Variants in MBNL2 observed in about 807,000 individuals in gnomAD.
The protein encoded by MBNL2 is muscleblind-like protein 2.
MBNL2 carries 17 observed loss-of-function variants against 41.9 expected under a neutral mutation model. The observed-to-expected ratio is 0.41, with a 90% CI of 0.28 to 0.61. MBNL2 has a LOEUF of 0.61. Among genes scored for constraint, MBNL2 ranks in the 20% least tolerant of loss-of-function variants. The pLI, the probability that MBNL2 is intolerant of heterozygous loss-of-function variation, is 0.35. For missense variants in MBNL2, 336 were observed against 505.6 expected, an observed-to-expected ratio of 0.66 and a Z score of 3.22; for synonymous variants, 195 against 182.9, an observed-to-expected ratio of 1.07 and a Z score of -0.53.
rs192888130 is a variant in MBNL2 at position 97,255,877 on chromosome 13, G to C, written c.-604-19755G>C. Among the ~76,000 whole-genome samples the C allele has an allele frequency of 1.4e-4, 21 of 152,322 alleles. No individual in the cohort carries two copies. The East Asian group carries it at 3.5e-3, about 25-fold the overall frequency. The stretch of plus-strand genomic sequence containing the variant: ...TCCCTTTCTAAAGAAAACCACTGGG[G>C]AAGCCAAAAGCATCAGCTAAGATAG... On this transcript the variant is annotated intron_variant, in intron 1 of 8. Transcript: ENST00000679496.
chr13:97,350,998 T>A lies in MBNL2; in HGVS notation c.804+3931T>A, dbSNP rs1254406531. ...CAGAGGAATCACTATCTGTGGCAGC[T>A]ACAGCCTTACAAAATGTATTTCTCG... On this transcript the variant is annotated intron_variant, in intron 5 of 8. Coordinates refer to ENST00000679496, the MANE Select transcript of MBNL2 (RefSeq NM_001382683.1). Among the ~76,000 whole-genome samples the A allele has an allele frequency of 2.0e-5, 3 of 152,216 alleles. No individual in the cohort carries two copies. In the East Asian group the frequency reaches 5.8e-4, roughly 29 times the overall value.
intron 1 of MBNL2, among the ~76,000 whole-genome samples, chr13:97,273,786 C>T (rs554123082): frequency 2.0e-4 from 31 of 152,246 alleles, no homozygotes; most frequent in Non-Finnish European, 3.5e-4. Flanking sequence ...GCAGGCCGGA[C>T]GCGGTGGCTC....
the MBNL2 span, among the ~76,000 whole-genome samples, chr13:97,149,853 G>A: frequency 6.6e-6 from 1 of 152,104 alleles, no homozygotes; most frequent in Non-Finnish European, 1.5e-5. Flanking sequence ...TCCTAAGAGG[G>A]CAGATGCCTC....
intron 1 of MBNL2, among the ~76,000 whole-genome samples, chr13:97,271,113 TTTTTTTTTTTTTG>T (rs1468171793): frequency 1.4e-4 from 5 of 36,888 alleles, no homozygotes; most frequent in Non-Finnish European, 2.2e-4. Flanking sequence ...CTCTTTTTTG[TTTTTTTTTTTTTG>T]TTTTTTTTTT....
intron 1 of MBNL2, among the ~76,000 whole-genome samples, chr13:97,256,479 A>G (rs1398801798): frequency 6.6e-6 from 1 of 152,220 alleles, no homozygotes; most frequent in Non-Finnish European, 1.5e-5. Context: ...GTCAGACGTA[A>G]TAAATATTTG....
At chr13:97,176,919 CCACAGA>C in the MBNL2 span, among the ~76,000 whole-genome samples, 1 of 151,900 alleles carries the variant, frequency 6.6e-6, no homozygotes. Context: ...AGTCAAGGGT[CCACAGA>C]CAATAGAGAA....
At chr13:97,217,212 C>T (rs1378572465), upstream of MBNL2, among the ~76,000 whole-genome samples, 1 of 151,380 alleles carries the variant, frequency 6.6e-6, no homozygotes, top group Non-Finnish European at 1.5e-5. Context: ...TTTACTTAAG[C>T]CCTGTAACTG....
the MBNL2 span, among the ~76,000 whole-genome samples, chr13:97,171,167 C>G: frequency 7.2e-5 from 11 of 152,200 alleles, no homozygotes; most frequent in Admixed American, 3.3e-4. Context: ...ACTATGCCCA[C>G]TTAAGTGTAA....
At chr13:97,317,346 C>T (rs1269182746) in intron 2 of MBNL2, among the ~76,000 whole-genome samples, 1 of 152,150 alleles carries the variant, frequency 6.6e-6, no homozygotes, top group Non-Finnish European at 1.5e-5. Context: ...CTCAGAACTG[C>T]GTACCCTCCC....
chr13:97,265,826 C>T (rs972587592), intron 1 of MBNL2, among the ~76,000 whole-genome samples: 1 of 152,028 alleles, frequency 6.6e-6, no homozygotes, highest in Non-Finnish European at 1.5e-5. Flanking sequence ...GAAAATGAAG[C>T]TCAGATAGAG....
At chr13:97,218,152 T>C (rs2040528571), upstream of MBNL2, among the ~76,000 whole-genome samples, 1 of 152,160 alleles carries the variant, frequency 6.6e-6, no homozygotes, top group African/African-American at 2.4e-5. Context: ...GGCTCACGCC[T>C]GTAATCCCAG....
the MBNL2 span, among the ~76,000 whole-genome samples, chr13:97,179,824 G>T: frequency 2.0e-5 from 3 of 152,210 alleles, no homozygotes; most frequent in African/African-American, 7.2e-5. Context: ...AAGAAGTCCA[G>T]GGTGGCCACA....
intron 2 of MBNL2, among the ~76,000 whole-genome samples, chr13:97,283,988 G>A (rs2152951705): frequency 6.6e-6 from 1 of 152,276 alleles, no homozygotes; most frequent in South Asian, 2.1e-4. Flanking sequence ...CCTTTATCTG[G>A]AGAGAGAAAG....
At chr13:97,172,732 A>G in the MBNL2 span, 5 of 152,216 alleles carry the variant, frequency 3.3e-5, no homozygotes, top group African/African-American at 9.7e-5. Flanking sequence ...TGGTGGCTTC[A>G]TCACCATCAG....
chr13:97,202,912 G>A, the MBNL2 span, among the ~76,000 whole-genome samples: 1 of 152,200 alleles, frequency 6.6e-6, no homozygotes, highest in Non-Finnish European at 1.5e-5. Flanking sequence ...GTCTGTCACA[G>A]CCAGTAGATT....
intron 1 of MBNL2, among the ~76,000 whole-genome samples, chr13:97,239,810 G>A (rs945543474): frequency 2.6e-5 from 4 of 152,216 alleles, no homozygotes; most frequent in Non-Finnish European, 5.9e-5. Context: ...TGTACAGCAC[G>A]TCTGACAAAA....
chr13:97,219,187 T>C (rs2152755579), upstream of MBNL2, among the ~76,000 whole-genome samples: 1 of 152,244 alleles, frequency 6.6e-6, no homozygotes. Flanking sequence ...TGCATGCACA[T>C]TAACATTTGA....
At chr13:97,298,008 GATA>G (rs2057240585) in intron 2 of MBNL2, among the ~76,000 whole-genome samples, 1 of 152,184 alleles carries the variant, frequency 6.6e-6, no homozygotes, top group Middle Eastern at 3.4e-3. Context: ...AGAAGAAAAT[GATA>G]ATAATAGCTG....
chr13:97,390,110 A>C (rs537261020), intron 8 of MBNL2, among the ~76,000 whole-genome samples: 3 of 152,278 alleles, frequency 2.0e-5, no homozygotes, highest in Admixed American at 2.0e-4. Flanking sequence ...ACCTTATCTG[A>C]AGTTTTAAGT....
Sources: gnomAD v4.1 joint callset for allele counts (sites outside exome capture counted in the v4.1 genomes callset) on GRCh38, gnomAD v4.1.1 for gene constraint, MANE v1.5 for transcripts, NCBI Gene and HGNC (gene_info 2026-07-23, HGNC 2026-07-21) for gene names.